Variants in PDLIM5 observed in about 807,000 individuals in gnomAD.
PDLIM5 encodes PDZ and LIM domain protein 5.
A neutral mutation model predicts 64.2 loss-of-function variants in PDLIM5; 34 were observed. The ratio of observed to expected loss-of-function variants is 0.53; its 90% CI spans 0.40 to 0.71. The LOEUF is 0.71. Among genes scored for constraint, PDLIM5 ranks in the 30% least tolerant of loss-of-function variants. The pLI, the probability that PDLIM5 is intolerant of heterozygous loss-of-function variation, is 0.00. For synonymous variants in PDLIM5, 253 were observed against 269.1 expected (o/e 0.94, Z 0.59); for missense variants, 683 against 733.6 (o/e 0.93, Z 0.80).
At chr4:94,494,439 T>TTTTTTTTTTTTTTTTTTG in intron 2 of PDLIM5, among the ~76,000 whole-genome samples, 3 of 46,556 alleles carry the variant, frequency 6.4e-5, no homozygotes, top group Admixed American at 1.8e-4. Flanking sequence ...CTTGTTTTTT[T>TTTTTTTTTTTTTTTTTTG]TTTTTTTTTT....
In PDLIM5 at chr4:94,665,701, T is replaced by C; in HGVS notation, c.*1634T>C. On this transcript the variant is annotated 3_prime_UTR_variant, in exon 13 of 13. Coordinates refer to ENST00000317968, the MANE Select transcript of PDLIM5 (RefSeq NM_006457.5). ...CTTTTTGTTTCGTTTTGTTTCTTCT[T>C]CTGCATTTAAAAATTAAAAGATTGG... The C allele has an allele frequency of 8.9e-7, 1 of 1,125,076 alleles. No individual in the cohort carries two copies. The highest frequency in any genetic ancestry group is 1.1e-6 in the Non-Finnish European group (1 of 920,172). The allele number at this position is 1,125,076 out of a possible 1,614,324, so 69.7% of individuals were successfully genotyped here. A position where few individuals can be genotyped will look rare whatever the true frequency, so the allele number is the denominator to read the frequency against.
At chr4:94,455,809 A>G (rs970448287) in intron 2 of PDLIM5, 1 of 1,506,436 alleles carries the variant, frequency 6.6e-7, no homozygotes, top group Admixed American at 2.0e-5. Flanking sequence ...TTTCGGAATT[A>G]TTTCCTCAGC....
intron 11 of PDLIM5, 152 bp from the exon 12 acceptor site, chr4:94,662,270 A>G: frequency 2.0e-6 from 1 of 493,776 alleles, no homozygotes; most frequent in Non-Finnish European, 3.7e-6. Context: ...TCTCAAGCCA[A>G]ATGTTATGCC....
At chr4:94,624,186 T>G (rs1416365616) in intron 8 of PDLIM5, among the ~76,000 whole-genome samples, 2 of 149,618 alleles carry the variant, frequency 1.3e-5, no homozygotes, top group African/African-American at 2.4e-5. Context: ...GGCATGGTGG[T>G]GCACGCCTAT....
In PDLIM5 at chr4:94,636,601, C is replaced by CAATCTT. The variant is rs1560756355; in HGVS notation, c.1109-3675_1109-3674insAATCTT. Among the ~76,000 whole-genome samples the CAATCTT allele has an allele frequency of 4.0e-3, 576 of 145,106 alleles. 3 individuals carry two copies. The highest frequency in any genetic ancestry group is 0.014 in the African/African-American group (547 of 39,196). On this transcript the variant is annotated intron_variant, in intron 8 of 12. Coordinates refer to ENST00000317968, the MANE Select transcript of PDLIM5 (RefSeq NM_006457.5). ...TCGCCCAGGCTGGAGTGCAGTGGTG[C>CAATCTT]GATCTTGGCTCACTGCAAGCTCCAC... is the stretch of plus-strand genomic sequence containing the variant.
chr4:94,455,775 G>T, intron 2 of PDLIM5: 2 of 1,518,342 alleles, frequency 1.3e-6, no homozygotes, highest in South Asian at 2.4e-5. Flanking sequence ...AAAAACTGTT[G>T]ATCAAAATTG....
intron 3 of PDLIM5, among the ~76,000 whole-genome samples, chr4:94,537,062 C>G (rs958094423): frequency 8.5e-5 from 13 of 152,094 alleles, no homozygotes; most frequent in African/African-American, 3.1e-4. Flanking sequence ...TTTTACCTGC[C>G]GTGATCCCTG....
intron 2 of PDLIM5, among the ~76,000 whole-genome samples, chr4:94,485,362 G>A (rs1234307890): frequency 6.6e-6 from 1 of 152,142 alleles, no homozygotes; most frequent in East Asian, 1.9e-4. Context: ...ACTACAGTAT[G>A]TCTCCCTTTG....
intron 3 of PDLIM5, among the ~76,000 whole-genome samples, chr4:94,558,449 A>G (rs905104299): frequency 2.0e-5 from 3 of 152,226 alleles, no homozygotes; most frequent in African/African-American, 4.8e-5. Context: ...AGAATGGGCA[A>G]TAAAATAGTA....
At chr4:94,500,122 A>G (rs1646332305) in intron 2 of PDLIM5, among the ~76,000 whole-genome samples, 1 of 152,156 alleles carries the variant, frequency 6.6e-6, no homozygotes, top group African/African-American at 2.4e-5. Flanking sequence ...TATTTTAAGA[A>G]CTGTATGTAT....
chr4:94,660,584 A>G (rs898044927), intron 11 of PDLIM5, among the ~76,000 whole-genome samples: 5 of 152,056 alleles, frequency 3.3e-5, no homozygotes, highest in African/African-American at 4.8e-5. Context: ...CCTCTTTCCA[A>G]TGAGAATATG....
intron 7 of PDLIM5, chr4:94,587,388 T>A (rs1553963890): frequency 1.2e-5 from 13 of 1,102,720 alleles, no homozygotes; most frequent in Non-Finnish European, 1.3e-5. Flanking sequence ...ATTATTTTCA[T>A]AAGTTGAATT....
At chr4:94,534,821 G>A (rs11726587) in intron 3 of PDLIM5, among the ~76,000 whole-genome samples, 33,867 of 152,026 alleles carry the variant, frequency 0.22, 3,998 homozygotes, top group African/African-American at 0.28. Flanking sequence ...GGGAGAAACA[G>A]CGAGGGAAGT....
chr4:94,665,091 A>G lies in PDLIM5; in HGVS notation c.*1024A>G. The G allele has an allele frequency of 3.1e-6, 3 of 961,748 alleles. No individual in the cohort carries two copies. The highest frequency in any genetic ancestry group is 3.7e-6 in the Non-Finnish European group (3 of 811,304). 59.6% of individuals were successfully genotyped at this position (961,748 alleles called of 1,614,324 possible). A position where few individuals can be genotyped will look rare whatever the true frequency, so the allele number is the denominator to read the frequency against. On this transcript the variant is annotated 3_prime_UTR_variant, in exon 13 of 13. Coordinates refer to ENST00000317968, the MANE Select transcript of PDLIM5 (RefSeq NM_006457.5). ...TGTTTCTATTCATTGTGTATGCTTC[A>G]TCACCTATATTAGGCAAATTCCATT...
chr4:94,462,616 GAATTT>G (rs764687114), intron 2 of PDLIM5, among the ~76,000 whole-genome samples: 6 of 151,844 alleles, frequency 4.0e-5, no homozygotes, highest in Non-Finnish European at 4.4e-5. Flanking sequence ...TACTGACATT[GAATTT>G]AAGTTTTGCC....
At chr4:94,651,792 G>A (rs748707264) in intron 9 of PDLIM5, among the ~76,000 whole-genome samples, 3 of 152,156 alleles carry the variant, frequency 2.0e-5, no homozygotes, top group African/African-American at 4.8e-5. Context: ...TGAAAGTGAC[G>A]CTGGATGAGA....
chr4:94,637,287 G>A (rs1010752770), intron 8 of PDLIM5, among the ~76,000 whole-genome samples: 7 of 152,172 alleles, frequency 4.6e-5, no homozygotes, highest in African/African-American at 1.2e-4. Flanking sequence ...AAGATCAGGC[G>A]TGGTGGCTGA....
In PDLIM5 at chr4:94,468,675, A is replaced by C. The variant is rs182416580; in HGVS notation, c.96+13291A>C. ...TGAGAAATCAAAGACTCATGAGAAT[A>C]AATTTAGGAAAAACATAATTGAGGT... On this transcript the variant is annotated intron_variant, in intron 2 of 12. Transcript: ENST00000317968. Among the ~76,000 whole-genome samples, 13 of 152,320 alleles carry C rather than the reference A, an allele frequency of 8.5e-5. No homozygotes were observed. The East Asian group carries it at 2.5e-3, about 29-fold the overall frequency.
At chr4:94,613,840 C>A (rs929961184) in intron 7 of PDLIM5, among the ~76,000 whole-genome samples, 1 of 151,686 alleles carries the variant, frequency 6.6e-6, no homozygotes, top group African/African-American at 2.4e-5. Context: ...AAATAGCAAT[C>A]TAATTTAAGT....
Sources: gnomAD v4.1 joint callset for allele counts (sites outside exome capture counted in the v4.1 genomes callset) on GRCh38, gnomAD v4.1.1 for gene constraint, MANE v1.5 for transcripts, NCBI Gene and HGNC (gene_info 2026-07-23, HGNC 2026-07-21) for gene names.